The following ZCCHC8 variants were observed in gnomAD, a reference collection of about 807,000 sequenced individuals.
The protein encoded by ZCCHC8 is zinc finger CCHC-type containing 8.
Under a neutral mutation model 70.6 loss-of-function variants are expected in ZCCHC8, and 27 were observed. That is an observed-to-expected ratio of 0.38 (90% CI 0.28 to 0.53). ZCCHC8 has a LOEUF of 0.53. ZCCHC8 is among the 20% of genes least tolerant of loss of function. The pLI, the probability that ZCCHC8 is intolerant of heterozygous loss-of-function variation, is 0.81. For missense variants in ZCCHC8, 737 were observed against 876.9 expected, an observed-to-expected ratio of 0.84 and a Z score of 2.01; for synonymous variants, 293 against 317.4, an observed-to-expected ratio of 0.92 and a Z score of 0.82.
At chr12:122,486,412 C>CAAA (rs762392385) in intron 5 of ZCCHC8, among the ~76,000 whole-genome samples, 4 of 50,850 alleles carry the variant, frequency 7.9e-5, no homozygotes, top group Non-Finnish European at 1.2e-4. Context: ...GAGGCTGTCT[C>CAAA]AAAAAAAAAA....
intron 2 of ZCCHC8, among the ~76,000 whole-genome samples, chr12:122,497,790 C>T (rs1957848373): frequency 6.6e-6 from 1 of 151,892 alleles, no homozygotes; most frequent in Admixed American, 6.6e-5. Flanking sequence ...AGAAGGATCA[C>T]TTCAGGCCAG....
chr12:122,483,172 A>T lies in ZCCHC8; in HGVS notation c.671+107T>A. 1 of 991,774 alleles carries T rather than the reference A, an allele frequency of 1.0e-6. No homozygotes were observed. Among genetic ancestry groups the T allele is most frequent in the Non-Finnish European group, 1.5e-6 (1 of 668,102 alleles). The allele number at this position is 991,774 out of a possible 1,614,324, so 61.4% of individuals were successfully genotyped here. ...TAAAATTCTAGCTCAATCTGTAATTAACCTTAGAGTAAACCAGCAGTAAAG... is the reference window on the plus strand; with the variant it reads ...TAAAATTCTAGCTCAATCTGTAATTTACCTTAGAGTAAACCAGCAGTAAAG... On this transcript the variant is annotated intron_variant, in intron 7 of 13. Transcript: ENST00000633063. This position sits in a 1 kb window ranked among gnomAD's most constrained non-coding sequence, Gnocchi z 4.4.
At chr12:122,477,651 C>G (rs1010201855) in intron 13 of ZCCHC8, among the ~76,000 whole-genome samples, 190 bp downstream of exon 13, 11 of 149,620 alleles carry the variant, frequency 7.4e-5, no homozygotes, top group Non-Finnish European at 1.5e-4. Flanking sequence ...ATTAGCTGGG[C>G]GTGGTGATGC....
At chr12:122,490,019 CCT>C (rs142075072) in intron 4 of ZCCHC8, among the ~76,000 whole-genome samples, 93 of 149,890 alleles carry the variant, frequency 6.2e-4, no homozygotes, top group Admixed American at 9.3e-4. Context: ...CTCTGATTCT[CCT>C]CTCTCTCTCT....
chr12:122,493,864 C>T (rs531445011), intron 2 of ZCCHC8, among the ~76,000 whole-genome samples: 3 of 152,248 alleles, frequency 2.0e-5, no homozygotes, highest in Admixed American at 2.0e-4. Flanking sequence ...CTGCCCGCCT[C>T]GGCCTCCCAA....
Position 122,483,866 on chromosome 12 carries a change from T to C in ZCCHC8, c.502-303A>G, listed in dbSNP as rs1047040297. 10 of 253,656 alleles carry C rather than the reference T, an allele frequency of 3.9e-5. No individual in the cohort carries two copies. The Admixed American group carries it at 5.0e-4, about 13-fold the overall frequency. The allele number at this position is 253,656 out of a possible 1,614,324, so 15.7% of individuals were successfully genotyped here. On this transcript the variant is annotated intron_variant, in intron 5 of 13. Coordinates refer to ENST00000633063, the MANE Select transcript of ZCCHC8 (RefSeq NM_017612.5). The surrounding 1 kb of genome is among the most constrained non-coding windows in gnomAD (Gnocchi z 4.4). ...TATTTCCCTCCAATGCCCCATTTCA[T>C]TGCTTCTCTTTGCAAGACATGCAGA...
At chr12:122,485,572 G>A (rs1009704312) in intron 5 of ZCCHC8, among the ~76,000 whole-genome samples, 2 of 152,072 alleles carry the variant, frequency 1.3e-5, no homozygotes, top group Non-Finnish European at 2.9e-5. Context: ...CGTGTGAGTG[G>A]CATCTCAAAC....
intron 2 of ZCCHC8, among the ~76,000 whole-genome samples, chr12:122,495,547 T>C (rs1462284790): frequency 2.0e-5 from 3 of 151,788 alleles, no homozygotes; most frequent in African/African-American, 7.3e-5. Flanking sequence ...AAAATGTTTA[T>C]TGATTAAATA....
intron 11 of ZCCHC8, among the ~76,000 whole-genome samples, chr12:122,479,807 T>A (rs1360902683): frequency 6.6e-6 from 1 of 152,196 alleles, no homozygotes; most frequent in Non-Finnish European, 1.5e-5. Flanking sequence ...GTAACAAATT[T>A]ATTCCTTTAA....
chr12:122,474,114 T>A lies in ZCCHC8; in HGVS notation c.1507A>T (p.Thr503Ser), dbSNP rs1301743030. The change falls in exon 14 of 14, where the codon ACC becomes TCC. Residue 503 changes from threonine to serine, a missense_variant. By Grantham distance (58) the Thr-to-Ser change is moderately conservative. Transcript: ENST00000633063. The stretch of plus-strand genomic sequence containing the variant: ...TCCACAGCTCCAGATGCTGTTCTGG[T>A]CTGGGGTGAGTCACTGGGAGTCAGC... ...PPLTPSDSPQ[T>S]RTASGAVDED... 1 of 1,513,676 alleles carries A rather than the reference T, an allele frequency of 6.6e-7. No homozygotes were observed. Among genetic ancestry groups the A allele is most frequent in the Non-Finnish European group, 8.8e-7 (1 of 1,135,130 alleles). 93.8% of individuals were successfully genotyped at this position (1,513,676 alleles called of 1,614,324 possible). A position where few individuals can be genotyped will look rare whatever the true frequency, so the allele number is the denominator to read the frequency against.
chr12:122,475,616 G>A (rs1047235554), intron 13 of ZCCHC8, among the ~76,000 whole-genome samples: 1 of 152,142 alleles, frequency 6.6e-6, no homozygotes, highest in Admixed American at 6.5e-5. Flanking sequence ...GGCTGCCACA[G>A]CCGCTACCTT....
Position 122,471,963 on chromosome 12 carries a change from A to G in ZCCHC8, c.*1534T>C, listed in dbSNP as rs1403650799. On this transcript the variant is annotated 3_prime_UTR_variant, in exon 14 of 14. Transcript: ENST00000633063. ...AACCACAGTTTCAGCTCTATCTTAT[A>G]TATATACCTGACAATTAAAAGCAGT... The G allele has an allele frequency of 6.6e-6, 1 of 152,206 alleles. No individual in the cohort carries two copies. The highest frequency in any genetic ancestry group is 1.9e-4 in the East Asian group (1 of 5,202). 9.4% of individuals were successfully genotyped at this position (152,206 alleles called of 1,614,324 possible).
At chr12:122,487,239 G>A (rs559476921) in intron 5 of ZCCHC8, among the ~76,000 whole-genome samples, 1 of 152,318 alleles carries the variant, frequency 6.6e-6, no homozygotes, top group South Asian at 2.1e-4. Flanking sequence ...AATTCGATGA[G>A]AGCTGGGACT....
Position 122,500,778 on chromosome 12 carries a change from C to T in ZCCHC8, c.63G>A (p.Glu21=). Reference sequence around the variant, plus strand: ...GAGTGTGAACGGGCTTCGGAATCGACTCCTCTGGGTGGTCGAACGGCTCGA... The same window carrying T: ...GAGTGTGAACGGGCTTCGGAATCGATTCCTCTGGGTGGTCGAACGGCTCGA... ...ELFEPFDHPE[E]SIPKPVHTRF... The change falls in exon 1 of 14, where the codon GAG becomes GAA. Residue 21 remains glutamate (E), a synonymous_variant. Coordinates refer to ENST00000633063, the MANE Select transcript of ZCCHC8 (RefSeq NM_017612.5). This position sits in a 1 kb window ranked among gnomAD's most constrained non-coding sequence, Gnocchi z 4.8. 1.9e-6 allele frequency: 3 copies of T among 1,590,786 alleles called. No homozygotes were observed. Among genetic ancestry groups the T allele is most frequent in the South Asian group, 1.1e-5 (1 of 87,330 alleles).
intron 2 of ZCCHC8, among the ~76,000 whole-genome samples, chr12:122,493,781 T>C (rs1343950472): frequency 1.3e-5 from 2 of 151,788 alleles, no homozygotes; most frequent in African/African-American, 2.4e-5. Flanking sequence ...CCCAGCTAAG[T>C]TTTTTGTATT....
intron 2 of ZCCHC8, among the ~76,000 whole-genome samples, chr12:122,493,769 T>C (rs1957783909): frequency 6.6e-6 from 1 of 152,130 alleles, no homozygotes; most frequent in African/African-American, 2.4e-5. Context: ...CCTGCGACCA[T>C]GCCCAGCTAA....
chr12:122,492,937 C>A, intron 2 of ZCCHC8, 148 bp from the exon 3 acceptor site: 1 of 595,398 alleles, frequency 1.7e-6, no homozygotes, highest in Non-Finnish European at 3.0e-6. Context: ...GTGGTGAGAT[C>A]TTGGATCACT....
intron 5 of ZCCHC8, among the ~76,000 whole-genome samples, chr12:122,487,524 G>C (rs1957663490): frequency 6.6e-6 from 1 of 152,162 alleles, no homozygotes; most frequent in South Asian, 2.1e-4. Context: ...TTATGAATGA[G>C]AAGTGCCATT....
chr12:122,488,529 C>CTT, intron 5 of ZCCHC8, among the ~76,000 whole-genome samples: 1 of 151,408 alleles, frequency 6.6e-6, no homozygotes, highest in African/African-American at 2.4e-5. Flanking sequence ...AACATGAAAA[C>CTT]CAGTTTTCCT....
Sources: gnomAD v4.1 joint callset for allele counts (sites outside exome capture counted in the v4.1 genomes callset) on GRCh38, gnomAD v4.1.1 for gene constraint, Gnocchi (gnomAD v3.1) non-coding constraint, MANE v1.5 for transcripts, NCBI Gene and HGNC (gene_info 2026-07-23, HGNC 2026-07-21) for gene names.